SOX6: variants seen among roughly 807,000 people sequenced by gnomAD.
SOX6 encodes SRY-box transcription factor 6, also known as transcription factor SOX-6.
In SOX6, 11 loss-of-function variants were observed where a neutral mutation model predicts 97.8. The ratio of observed to expected loss-of-function variants is 0.11; its 90% confidence interval spans 0.07 to 0.19. The LOEUF (loss-of-function observed/expected upper bound fraction) is 0.19. Among genes scored for constraint, SOX6 ranks in the 10% least tolerant of loss-of-function variants. SOX6 has a pLI of 1.00. For missense variants in SOX6, 810 were observed against 1,039.5 expected (o/e 0.78, Z 3.04); for synonymous variants, 360 against 371.4 (o/e 0.97, Z 0.35).
intron 1 of SOX6, among the ~76,000 whole-genome samples, chr11:16,422,718 G>A (rs1395771152): frequency 6.6e-6 from 1 of 152,100 alleles, no homozygotes; most frequent in African/African-American, 2.4e-5. Flanking sequence ...CCCTGCACAG[G>A]GCTGTAAACA....
At chr11:16,325,507 C>T (rs1856059259) in intron 2 of SOX6, among the ~76,000 whole-genome samples, 1 of 151,970 alleles carries the variant, frequency 6.6e-6, no homozygotes, top group African/African-American at 2.4e-5. Context: ...TACACTGATG[C>T]TTAGGGGAAA....
In SOX6 at chr11:16,356,101, G is replaced by T. The variant is rs957018044; in HGVS notation, c.-12C>A. On this transcript the variant is annotated 5_prime_UTR_variant, in exon 1 of 16. Coordinates refer to ENST00000683767, the MANE Select transcript of SOX6 (RefSeq NM_001367873.1). ...GAAGCACAAATCACTCACATGAAGTGGCTGCTCTTCCACTCTTCAATCCGG... is the reference window on the plus strand; with the variant it reads ...GAAGCACAAATCACTCACATGAAGTTGCTGCTCTTCCACTCTTCAATCCGG... 6.6e-6 allele frequency among the ~76,000 whole-genome samples: 1 copy of T among 151,802 alleles called. No homozygotes were observed. Among genetic ancestry groups the T allele is most frequent in the Non-Finnish European group, 1.5e-5 (1 of 67,934 alleles).
intron 3 of SOX6, among the ~76,000 whole-genome samples, chr11:16,677,542 C>T (rs1011033174): frequency 2.6e-5 from 4 of 152,170 alleles, no homozygotes; most frequent in South Asian, 4.2e-4. Context: ...AAAGTTAAAA[C>T]GATTTTACAT....
intron 3 of SOX6, among the ~76,000 whole-genome samples, chr11:16,637,683 C>A (rs1469352552): frequency 6.6e-6 from 1 of 152,134 alleles, no homozygotes; most frequent in Non-Finnish European, 1.5e-5. Context: ...ATTTCCTTCT[C>A]ATCTAAGAAT....
intron 6 of SOX6, among the ~76,000 whole-genome samples, chr11:16,126,052 C>T (rs1286810179): frequency 6.6e-6 from 1 of 152,034 alleles, no homozygotes. Flanking sequence ...TAGGTCTGTT[C>T]CTTTCTAGAA....
At chr11:16,639,857 A>G (rs1180707405) in intron 3 of SOX6, among the ~76,000 whole-genome samples, 4 of 152,308 alleles carry the variant, frequency 2.6e-5, no homozygotes, top group East Asian at 3.9e-4. Context: ...ATCTGCAAAC[A>G]GGGACAATTT....
At chr11:16,700,352 G>A (rs534876333) in intron 3 of SOX6, among the ~76,000 whole-genome samples, 17 of 152,314 alleles carry the variant, frequency 1.1e-4, no homozygotes, top group African/African-American at 4.1e-4. Flanking sequence ...AGAAGGAAAA[G>A]GAGCTGAAGA....
upstream of SOX6, among the ~76,000 whole-genome samples, chr11:16,478,895 C>T (rs148870909): frequency 1.3e-5 from 2 of 152,318 alleles, no homozygotes; most frequent in East Asian, 1.9e-4. Context: ...CAAATCATTA[C>T]GTGTTCTGGA....
chr11:15,986,474 GCAAACACAACTAGATATACCTTCC>G, intron 14 of SOX6, 54 bp from the exon 15 acceptor site: 1 of 1,554,546 alleles, frequency 6.4e-7, no homozygotes, highest in Non-Finnish European at 8.9e-7. Context: ...CATATTCTAG[GCAAACACAACTAGATATACCTTCC>G]CATCACTTCA....
chr11:16,378,373 T>C (rs1857705122), intron 1 of SOX6, among the ~76,000 whole-genome samples: 2 of 152,206 alleles, frequency 1.3e-5, no homozygotes, highest in South Asian at 4.1e-4. Context: ...AAAGTTCATG[T>C]GGAAAAACAA....
In SOX6 at chr11:16,046,592, C is replaced by G; in HGVS notation, c.1545G>C (p.Gln515His). The change falls in exon 12 of 16, where the codon CAG (glutamine) becomes CAC (histidine). Residue 515 changes from glutamine (Q) to histidine (H), a missense_variant. This residue lies in a region of SOX6 where 120 missense variants were observed against 127.0 expected (regional missense o/e 0.94). Coordinates refer to ENST00000683767, the MANE Select transcript of SOX6 (RefSeq NM_001367873.1). ...KMREQIQREQQQQQPHGVDGK... is the reference protein window; with the variant it reads ...KMREQIQREQHQQQPHGVDGK... Reference sequence around the variant, plus strand: ...CGTCAACACCATGTGGCTGTTGCTGCTGTTGCTCCCGCTGGATCTGCTCTC... The same window carrying G: ...CGTCAACACCATGTGGCTGTTGCTGGTGTTGCTCCCGCTGGATCTGCTCTC... 1 of 1,613,770 alleles carries G rather than the reference C, an allele frequency of 6.2e-7. No individual in the cohort carries two copies. Among genetic ancestry groups the G allele is most frequent in the Non-Finnish European group, 8.5e-7 (1 of 1,179,816 alleles).
intron 4 of SOX6, among the ~76,000 whole-genome samples, chr11:16,538,830 C>A (rs1482587292): frequency 2.0e-5 from 3 of 152,078 alleles, no homozygotes; most frequent in African/African-American, 7.2e-5. Flanking sequence ...TAAAGCAAGA[C>A]CTTAGAGACC....
intron 3 of SOX6, among the ~76,000 whole-genome samples, chr11:16,237,379 T>C (rs1183628994): frequency 1.3e-5 from 2 of 152,052 alleles, no homozygotes; most frequent in African/African-American, 2.4e-5. Context: ...ATGTAATTGA[T>C]ACAAAGTTAC....
chr11:16,607,668 G>C lies in SOX6; in HGVS notation n.609+4413C>G, dbSNP rs1590005078. ...GGGGCTTCACCCTGGAACAAGTGAA[G>C]GCGATGGTTAGTGCTGTCAATCTTG... is the stretch of plus-strand genomic sequence containing the variant. On this transcript the variant is annotated intron_variant and non_coding_transcript_variant, in intron 4 of 5. Transcript: ENST00000524520. The surrounding 1 kb of genome is among the most constrained non-coding windows in gnomAD (Gnocchi z 6.5). The C allele has an allele frequency of 6.6e-6, 1 of 152,396 alleles. No homozygotes were observed. The highest frequency in any genetic ancestry group is 2.1e-4 in the South Asian group (1 of 4,844). The allele number at this position is 152,396 out of a possible 1,614,324, so 9.4% of individuals were successfully genotyped here.
chr11:16,341,292 A>G (rs1181192430), intron 1 of SOX6, 40 bp from the exon 2 acceptor site: 1 of 1,607,214 alleles, frequency 6.2e-7, no homozygotes, highest in South Asian at 1.1e-5. Context: ...ATGGCTGTCA[A>G]TAACAAACCA....
At chr11:16,381,128 T>G (rs1404611903) in intron 1 of SOX6, among the ~76,000 whole-genome samples, 1 of 151,952 alleles carries the variant, frequency 6.6e-6, no homozygotes, top group Non-Finnish European at 1.5e-5. Context: ...CTTACTTAAT[T>G]AAACACAGAT....
intron 3 of SOX6, among the ~76,000 whole-genome samples, chr11:16,267,246 AG>A (rs1854107821): frequency 2.0e-5 from 3 of 151,580 alleles, no homozygotes; most frequent in Non-Finnish European, 4.4e-5. Context: ...CAATTAACAG[AG>A]TGAAGACAAT....
rs1860565490 is a variant in SOX6 at position 16,494,662 on chromosome 11, G to GT, written n.610-18275dup. Among the ~76,000 whole-genome samples, 4 of 152,212 alleles carry GT rather than the reference G, an allele frequency of 2.6e-5. No homozygotes were observed. In the South Asian group the frequency reaches 8.3e-4, roughly 32 times the overall value. On this transcript the variant is annotated intron_variant and non_coding_transcript_variant, in intron 4 of 5. Transcript: ENST00000524520. ...GAGAACACTGAAATTCAATAGGGAA[G>GT]TAATAGGAAATACCTAAGGCAAGGA...
At chr11:16,490,509 T>A (rs1270919735) in intron 4 of SOX6, among the ~76,000 whole-genome samples, 2 of 152,084 alleles carry the variant, frequency 1.3e-5, no homozygotes, top group Non-Finnish European at 2.9e-5. Flanking sequence ...AGTTCTGAGT[T>A]AAATAGATTT....
Sources: allele counts gnomAD v4.1 joint callset (sites outside exome capture counted in the v4.1 genomes callset), GRCh38; gene constraint gnomAD v4.1.1; regional missense constraint gnomAD v4.1.1; non-coding constraint Gnocchi (gnomAD v3.1); transcripts MANE v1.5; gene names NCBI Gene and HGNC (gene_info 2026-07-23, HGNC 2026-07-21).